The following HMMR variants were observed in gnomAD, a reference collection of about 807,000 sequenced individuals.
HMMR encodes intracellular hyaluronic acid-binding protein.
In HMMR, 108 loss-of-function variants were observed where a neutral mutation model predicts 101.0. That is an observed-to-expected ratio of 1.07 (90% CI 0.92 to 1.25). The LOEUF (loss-of-function observed/expected upper bound fraction) is 1.25. Ranked by LOEUF, HMMR falls within the 50% of genes most tolerant of loss-of-function variation. HMMR has a pLI of 0.00. For synonymous variants in HMMR, 296 were observed against 276.4 expected, an observed-to-expected ratio of 1.07 and a Z score of -0.70; for missense variants, 813 against 788.7, an observed-to-expected ratio of 1.03 and a Z score of -0.37.
rs182722386 is a variant in HMMR at position 163,485,403 on chromosome 5, T to C, written c.1962+1158T>C. Among the ~76,000 whole-genome samples the C allele has an allele frequency of 3.3e-4, 50 of 152,360 alleles. 1 individual carries two copies. Among genetic ancestry groups the C allele is most frequent in the Admixed American group, 3.0e-3 (46 of 15,308 alleles). Reference sequence around the variant, plus strand: ...GGGTATGAAGTGGTATCTCATTAACTTAACTTGCATTTTCTTAATTGGTAA... The same window carrying C: ...GGGTATGAAGTGGTATCTCATTAACCTAACTTGCATTTTCTTAATTGGTAA... On this transcript the variant is annotated intron_variant, in intron 16 of 17. Transcript: ENST00000393915.
chr5:163,478,605 T>G, intron 11 of HMMR, 79 bp from the exon 12 acceptor site: 1 of 831,536 alleles, frequency 1.2e-6, no homozygotes, highest in Non-Finnish European at 2.1e-6. Context: ...ATTCACAGTT[T>G]CAAAGGTAAA....
At chr5:163,490,728 T>C (rs299319) in intron 17 of HMMR, among the ~76,000 whole-genome samples, 176 bp downstream of exon 17, 39,282 of 152,138 alleles carry the variant, frequency 0.26, 5,331 homozygotes, top group African/African-American at 0.31. Flanking sequence ...TACGCTTTCT[T>C]TTCTGTATAC....
Position 163,490,510 on chromosome 5 carries a change from GA to G in HMMR, c.2086del (p.Ser696ValfsTer7). ...TGATCCTTCAAAGGCTTTTCATCAT[GA>G]AAGTAAAGAAAATTTTGCCCTGAAG... is the stretch of plus-strand genomic sequence containing the variant. ...HFDPSKAFHH[E>X]SKENFALKTP... On this transcript the variant is annotated frameshift_variant, in exon 17 of 18. Transcript: ENST00000393915. LOFTEE classifies it high-confidence loss of function. The G allele has an allele frequency of 6.2e-7, 1 of 1,603,140 alleles. No homozygotes were observed. Among genetic ancestry groups the G allele is most frequent in the Non-Finnish European group, 8.5e-7 (1 of 1,176,816 alleles).
At chr5:163,470,003 A>T (rs1166464793) in intron 5 of HMMR, 174 bp downstream of exon 5, 5 of 453,306 alleles carry the variant, frequency 1.1e-5, no homozygotes, top group African/African-American at 4.1e-5. Flanking sequence ...CCCTGTCTCT[A>T]CTAAAAATAC....
chr5:163,464,682 A>AT (rs778088674), intron 2 of HMMR, 41 bp from the exon 3 acceptor site: 1 of 1,311,008 alleles, frequency 7.6e-7, no homozygotes, highest in Non-Finnish European at 1.1e-6. Flanking sequence ...GTTAAAACAC[A>AT]TTGACATCAA....
chr5:163,486,449 C>T (rs1759479007), intron 16 of HMMR, among the ~76,000 whole-genome samples: 1 of 152,016 alleles, frequency 6.6e-6, no homozygotes, highest in Non-Finnish European at 1.5e-5. Context: ...TATAGAAATA[C>T]AATTGATTTT....
At chr5:163,465,655 A>G (rs1758679607) in intron 3 of HMMR, among the ~76,000 whole-genome samples, 1 of 152,148 alleles carries the variant, frequency 6.6e-6, no homozygotes, top group Non-Finnish European at 1.5e-5. Context: ...GCCGCCATAT[A>G]ATACTTTTTA....
At chr5:163,467,015 C>T (rs894000156) in intron 3 of HMMR, among the ~76,000 whole-genome samples, 1 of 152,068 alleles carries the variant, frequency 6.6e-6, no homozygotes. Context: ...AAATAATAGT[C>T]CTTCCCCATA....
chr5:163,464,692 A>G, intron 2 of HMMR, 31 bp from the exon 3 acceptor site: 1 of 1,419,836 alleles, frequency 7.0e-7, no homozygotes, highest in Non-Finnish European at 9.9e-7. Flanking sequence ...ATTGACATCA[A>G]CCATGATCTG....
chr5:163,485,098 A>T (rs1055801959), intron 16 of HMMR, among the ~76,000 whole-genome samples: 29 of 152,090 alleles, frequency 1.9e-4, no homozygotes, highest in Admixed American at 1.0e-3. Flanking sequence ...TTGTATGGAC[A>T]TTTGTTTTTT....
At chr5:163,476,914 C>A (rs1759086605) in intron 11 of HMMR, among the ~76,000 whole-genome samples, 1 of 152,086 alleles carries the variant, frequency 6.6e-6, no homozygotes, top group Admixed American at 6.6e-5. Context: ...GCCTGTAATC[C>A]CAGCTATTCA....
At chr5:163,475,314 T>C in intron 10 of HMMR, 144 bp from the exon 11 acceptor site, 1 of 468,740 alleles carries the variant, frequency 2.1e-6, no homozygotes, top group Non-Finnish European at 3.8e-6. Context: ...TGAAAACAAA[T>C]ATGCTATTTC....
chr5:163,490,536 G>C lies in HMMR; in HGVS notation c.2109G>C (p.Lys703Asn). ...AAAGTAAAGAAAATTTTGCCCTGAA[G>C]ACCCCATTAAAAGAAGGTAAGACAT... ...HHESKENFAL[K>N]TPLKEGNTNC... The change falls in exon 17 of 18, where the codon AAG becomes AAC. Residue 703 changes from lysine to asparagine, a missense_variant. By Grantham distance (94) the Lys-to-Asn change is moderately conservative. Coordinates refer to ENST00000393915, the MANE Select transcript of HMMR (RefSeq NM_001142556.2). 2 of 1,599,004 alleles carry C rather than the reference G, an allele frequency of 1.3e-6. No homozygotes were observed. Among genetic ancestry groups the C allele is most frequent in the Non-Finnish European group, 1.7e-6 (2 of 1,175,428 alleles).
At chr5:163,480,360 A>T in intron 12 of HMMR, among the ~76,000 whole-genome samples, 1 of 152,078 alleles carries the variant, frequency 6.6e-6, no homozygotes, top group East Asian at 1.9e-4. Context: ...TTCATTCTGC[A>T]TTATGTGTGT....
rs199572983 is a variant in HMMR at position 163,471,333 on chromosome 5, T to C, written c.550-30T>C. Reference sequence around the variant, plus strand: ...TCTGGGGATCAGTACAACTTTCTCATTTCCTAAAACAGGTATCTTTGTTGT... The same window carrying C: ...TCTGGGGATCAGTACAACTTTCTCACTTCCTAAAACAGGTATCTTTGTTGT... On this transcript the variant is annotated intron_variant, in intron 6 of 17. Transcript: ENST00000393915. 2.5e-5 allele frequency: 40 copies of C among 1,611,152 alleles called. No homozygotes were observed. In the East Asian group the frequency reaches 8.0e-4, roughly 32 times the overall value.
At chr5:163,471,101 A>G in intron 5 of HMMR, 84 bp from the exon 6 acceptor site, 1 of 807,308 alleles carries the variant, frequency 1.2e-6, no homozygotes, top group Non-Finnish European at 2.0e-6. Flanking sequence ...CCCCAGTGAT[A>G]GGTAGAAAAA....
Position 163,483,037 on chromosome 5 carries a change from A to C in HMMR, c.1550A>C (p.Gln517Pro). 6.2e-7 allele frequency: 1 copy of C among 1,603,588 alleles called. No homozygotes were observed. The highest frequency in any genetic ancestry group is 2.2e-5 in the East Asian group (1 of 44,812). ...QEYVRMLLDL[Q>P]TKSALKETEI... ...AACCAAAGGATGCTTCTAGATCTGC[A>C]GACCAAGTCAGCACTAAAGGAAACA... The change falls in exon 14 of 18, where the codon CAG becomes CCG. Residue 517 changes from glutamine to proline, a missense_variant. Coordinates refer to ENST00000393915, the MANE Select transcript of HMMR (RefSeq NM_001142556.2).
At position 163,482,658 on chromosome 5, in the gene HMMR, G is replaced by A. The variant is rs147585374; in HGVS notation, c.1402G>A (p.Ala468Thr). The A allele has an allele frequency of 8.1e-6, 13 of 1,611,586 alleles. No homozygotes were observed. The highest frequency in any genetic ancestry group is 8.5e-6 in the Non-Finnish European group (10 of 1,177,966). The change falls in exon 13 of 18, where the codon GCC becomes ACC. Residue 468 changes from alanine to threonine, a missense_variant. Physicochemically the swap from Ala to Thr is moderately conservative, Grantham distance 58. Coordinates refer to ENST00000393915, the MANE Select transcript of HMMR (RefSeq NM_001142556.2). Reference protein sequence around the residue: ...AQFESYKALTASEIEDLKLEN... With the variant: ...AQFESYKALTTSEIEDLKLEN... ...TTTAATAAGCTATAAAGCGTTAACA[G>A]CCAGTGAGATAGAAGATCTTAAGCT...
chr5:163,472,043 T>TATC (rs1758909022), intron 7 of HMMR, among the ~76,000 whole-genome samples: 1 of 147,806 alleles, frequency 6.8e-6, no homozygotes, highest in African/African-American at 2.6e-5. Context: ...TATTTATTAT[T>TATC]ATTATTATTT....
Sources: allele counts gnomAD v4.1 joint callset (sites outside exome capture counted in the v4.1 genomes callset), GRCh38; gene constraint gnomAD v4.1.1; transcripts MANE v1.5; gene names NCBI Gene and HGNC (gene_info 2026-07-23, HGNC 2026-07-21).